ATAT1: variants seen among roughly 807,000 people sequenced by gnomAD.
ATAT1 encodes the protein alpha-tubulin N-acetyltransferase 1.
Under a neutral mutation model 57.2 loss-of-function variants are expected in ATAT1, and 42 were observed. The observed-to-expected ratio is 0.73, with a 90% CI of 0.57 to 0.95. The LOEUF is 0.95. ATAT1 is among the 40% of genes least tolerant of loss of function. The probability of loss-of-function intolerance (pLI) is 0.00; values close to 1 mark genes in which losing one functional copy is unlikely to be tolerated. For missense variants in ATAT1, 454 were observed against 523.7 expected (o/e 0.87, Z 1.30); for synonymous variants, 168 against 187.1 (o/e 0.90, Z 0.83).
At position 30,646,463 on chromosome 6, in the gene ATAT1, T is replaced by A. The variant is rs750222862; in HGVS notation, c.1056-6T>A. ...ATAACCCACTCTCCATCTCCCCACC[T>A]ACCAGGTCTGCCAGTGAGGAGCAGG... On this transcript the variant is annotated splice_region_variant and splice_polypyrimidine_tract_variant and intron_variant, in intron 12 of 12. Transcript: ENST00000330083. 18 of 1,568,294 alleles carry A rather than the reference T, an allele frequency of 1.1e-5. No homozygotes were observed. Among genetic ancestry groups the A allele is most frequent in the Non-Finnish European group, 1.6e-5 (18 of 1,155,016 alleles).
Position 30,642,833 on chromosome 6 carries a change from G to GGGGCGCCCCCCCCCCCCCC in ATAT1, c.754_755insGGGCGCCCCCCCCCCCCCC (p.Ala252GlyfsTer54). The GGGGCGCCCCCCCCCCCCCC allele has an allele frequency of 6.5e-7, 1 of 1,537,876 alleles. No homozygotes were observed. The highest frequency in any genetic ancestry group is 8.7e-7 in the Non-Finnish European group (1 of 1,145,782). The stretch of plus-strand genomic sequence containing the variant: ...GGCCCCTCGCCGCGCCACACCTCCA[G>GGGGCGCCCCCCCCCCCCCC]CCCACCCACCCCCCCGCTCCAGCAG... On this transcript the variant is annotated frameshift_variant, in exon 10 of 13. Transcript: ENST00000330083. LOFTEE classifies it high-confidence loss of function.
intron 6 of ATAT1, among the ~76,000 whole-genome samples, chr6:30,629,235 C>T (rs1478366701): frequency 6.7e-6 from 1 of 150,278 alleles, no homozygotes; most frequent in Non-Finnish European, 1.5e-5. Context: ...TTTCCTACAC[C>T]TAATTTTTCT....
intron 6 of ATAT1, among the ~76,000 whole-genome samples, chr6:30,636,212 A>T (rs1189481029): frequency 6.6e-6 from 1 of 152,144 alleles, no homozygotes; most frequent in Non-Finnish European, 1.5e-5. Context: ...CTTGAAAGGC[A>T]AGTGTTTGTC....
At position 30,646,576 on chromosome 6, in the gene ATAT1, G is replaced by T; in HGVS notation, c.1163G>T (p.Gly388Val). Residue 388 changes from glycine to valine, a missense_variant, in exon 13 of 13, where the codon GGT (glycine) becomes GTT (valine). Physicochemically the swap from Gly to Val is moderately radical, Grantham distance 109 (BLOSUM62 -3). Coordinates refer to ENST00000330083, the MANE Select transcript of ATAT1 (RefSeq NM_001031722.4). ...CCGCCAGCCCAGTCCTGGACAGTGG[G>T]TGGGGACATACTCAACGCCAGGTTC... is the stretch of plus-strand genomic sequence containing the variant. 1 of 1,580,376 alleles carries T rather than the reference G, an allele frequency of 6.3e-7. No homozygotes were observed. Among genetic ancestry groups the T allele is most frequent in the Non-Finnish European group, 8.6e-7 (1 of 1,163,496 alleles).
At position 30,627,724 on chromosome 6, in the gene ATAT1, G is replaced by A. The variant is rs772449706; in HGVS notation, c.221G>A (p.Arg74Gln). ...TATATTCTCAAAGACAGTTCAGCCC[G>A]ACCGTGAGTGCCACATGCTCTTCCA... Residue 74 changes from arginine to glutamine, a missense_variant, in exon 3 of 13, where the codon CGA becomes CAA. Arg to Gln is a conservative substitution (Grantham distance 43). Around this residue, in one of 3 missense-constraint regions of ATAT1, gnomAD observed 236 missense variants for 284.5 expected, o/e 0.83. Transcript: ENST00000330083. 4 of 1,612,284 alleles carry A rather than the reference G, an allele frequency of 2.5e-6. No homozygotes were observed. Among genetic ancestry groups the A allele is most frequent in the Middle Eastern group, 1.7e-4 (1 of 6,060 alleles).
chr6:30,627,442 T>C lies in ATAT1; in HGVS notation c.72-18T>C, dbSNP rs1214317116. The C allele has an allele frequency of 1.2e-6, 2 of 1,611,718 alleles. No individual in the cohort carries two copies. The highest frequency in any genetic ancestry group is 2.2e-5 in the East Asian group (1 of 44,876). On this transcript the variant is annotated intron_variant, in intron 1 of 12. Coordinates refer to ENST00000330083, the MANE Select transcript of ATAT1 (RefSeq NM_001031722.4). ...AATTTAGTGAGTATCTGACTCTTTA[T>C]TTCTTCTCTTTCTCTAGTGTTGATC...
intron 10 of ATAT1, chr6:30,643,976 TC>T (rs1383379649): frequency 9.7e-7 from 1 of 1,034,176 alleles, no homozygotes; most frequent in Admixed American, 5.2e-5. Flanking sequence ...AACCCCATAT[TC>T]CCTCTAGTGT....
At chr6:30,642,417 CA>C (rs1284316478) in intron 9 of ATAT1, among the ~76,000 whole-genome samples, 170 bp downstream of exon 9, 2 of 152,056 alleles carry the variant, frequency 1.3e-5, no homozygotes, top group Non-Finnish European at 2.9e-5. Context: ...CTAAGGCAGG[CA>C]GATCGCCTGA....
chr6:30,627,436 T>C (rs750427082), intron 1 of ATAT1, 24 bp from the exon 2 acceptor site: 1 of 1,610,208 alleles, frequency 6.2e-7, no homozygotes, highest in Admixed American at 1.7e-5. Context: ...AGTATCTGAC[T>C]CTTTATTTCT....
At chr6:30,646,376 C>G in intron 12 of ATAT1, 93 bp from the exon 13 acceptor site, 1 of 1,451,244 alleles carries the variant, frequency 6.9e-7, no homozygotes, top group Non-Finnish European at 9.1e-7. Flanking sequence ...ATGTGTCCTA[C>G]ATTAAAACCT....
At chr6:30,628,481 TTTG>T in intron 6 of ATAT1, 51 bp downstream of exon 6, 1 of 1,458,574 alleles carries the variant, frequency 6.9e-7, no homozygotes, top group Non-Finnish European at 9.5e-7. Flanking sequence ...ATTGAATTTA[TTTG>T]TTATTTATGG....
intron 6 of ATAT1, among the ~76,000 whole-genome samples, chr6:30,636,643 T>C (rs1764153202): frequency 6.6e-6 from 1 of 150,790 alleles, no homozygotes; most frequent in Non-Finnish European, 1.5e-5. Flanking sequence ...ACAAGCAGTG[T>C]GGTGTGGTTG....
intron 9 of ATAT1, 67 bp from the exon 10 acceptor site, chr6:30,642,701 T>G: frequency 9.8e-7 from 1 of 1,022,534 alleles, no homozygotes. Flanking sequence ...ACCAAAACCT[T>G]TGCTGTCATG....
chr6:30,646,666 CA>C lies in ATAT1; in HGVS notation c.*26del. ...TGACCGCAGCCCCGTCAAACATCTT[CA>C]AAGTATTATTTCTCCCTCACTACAG... is the stretch of plus-strand genomic sequence containing the variant. On this transcript the variant is annotated 3_prime_UTR_variant, in exon 13 of 13. Transcript: ENST00000330083. 1 of 1,526,714 alleles carries C rather than the reference CA, an allele frequency of 6.6e-7. No homozygotes were observed. Among genetic ancestry groups the C allele is most frequent in the Non-Finnish European group, 8.8e-7 (1 of 1,132,162 alleles). 94.6% of individuals were successfully genotyped at this position (1,526,714 alleles called of 1,614,324 possible).
intron 6 of ATAT1, among the ~76,000 whole-genome samples, chr6:30,640,124 C>G (rs572263619): frequency 2.7e-5 from 4 of 149,782 alleles, no homozygotes; most frequent in African/African-American, 9.9e-5. Flanking sequence ...GGCAACAGAG[C>G]GAGACTCTGC....
chr6:30,646,013 C>G, intron 11 of ATAT1, 39 bp downstream of exon 11: 1 of 1,605,120 alleles, frequency 6.2e-7, no homozygotes, highest in South Asian at 1.1e-5. Context: ...ATCAAGTAGG[C>G]CACATTCACT....
In ATAT1 at chr6:30,642,833, G is replaced by GGGGGGCCGGCCCCCCCC; in HGVS notation, c.754_755insGGGGGCCGGCCCCCCCC (p.Ala252GlyfsTer73). On this transcript the variant is annotated frameshift_variant, in exon 10 of 13. Coordinates refer to ENST00000330083, the MANE Select transcript of ATAT1 (RefSeq NM_001031722.4). LOFTEE classifies it high-confidence loss of function. ...GGCCCCTCGCCGCGCCACACCTCCA[G>GGGGGGCCGGCCCCCCCC]CCCACCCACCCCCCCGCTCCAGCAG... The GGGGGGCCGGCCCCCCCC allele has an allele frequency of 6.5e-7, 1 of 1,537,878 alleles. No homozygotes were observed. Among genetic ancestry groups the GGGGGGCCGGCCCCCCCC allele is most frequent in the Non-Finnish European group, 8.7e-7 (1 of 1,145,784 alleles).
chr6:30,645,016 C>T (rs1196511147), intron 10 of ATAT1, among the ~76,000 whole-genome samples: 2 of 152,134 alleles, frequency 1.3e-5, no homozygotes, highest in African/African-American at 4.8e-5. Context: ...CCACTAATTA[C>T]CTCCTGCCTC....
At chr6:30,640,985 T>C (rs143301715) in intron 8 of ATAT1, among the ~76,000 whole-genome samples, 36 of 152,212 alleles carry the variant, frequency 2.4e-4, no homozygotes, top group Admixed American at 2.3e-3. Flanking sequence ...GGCCCAAAAT[T>C]TAAATGTTAC....
Sources: gnomAD v4.1 joint callset for allele counts (sites outside exome capture counted in the v4.1 genomes callset) on GRCh38, gnomAD v4.1.1 for gene constraint, gnomAD v4.1.1 regional missense constraint, MANE v1.5 for transcripts, NCBI Gene and HGNC (gene_info 2026-07-23, HGNC 2026-07-21) for gene names.